WWOX: variants seen among roughly 807,000 people sequenced by gnomAD.
WWOX encodes WW domain-containing oxidoreductase.
Under a neutral mutation model 46.2 loss-of-function variants are expected in WWOX, and 69 were observed. The observed-to-expected ratio is 1.49, with a 90% CI of 1.23 to 1.82. The LOEUF (loss-of-function observed/expected upper bound fraction) is 1.82. WWOX is among the 40% of genes most tolerant of loss of function. WWOX has a pLI of 0.00. For missense variants in WWOX, 919 were observed against 542.6 expected, an observed-to-expected ratio of 1.69 and a Z score of -6.89; for synonymous variants, 359 against 202.6, an observed-to-expected ratio of 1.77 and a Z score of -6.56.
chr16:79,191,572 C>A (rs140937157), intron 8 of WWOX, among the ~76,000 whole-genome samples: 1 of 152,206 alleles, frequency 6.6e-6, no homozygotes, highest in African/African-American at 2.4e-5. Flanking sequence ...TGGGAGCTCA[C>A]GTTTTTCTCA....
chr16:78,664,072 A>G (rs540702068), intron 8 of WWOX, among the ~76,000 whole-genome samples: 16 of 152,246 alleles, frequency 1.1e-4, no homozygotes, highest in African/African-American at 3.6e-4. Context: ...CATGGTTGCC[A>G]TGAGGAGGAC....
chr16:78,361,021 T>C (rs530444578), intron 5 of WWOX, among the ~76,000 whole-genome samples: 69 of 152,228 alleles, frequency 4.5e-4, no homozygotes, highest in Middle Eastern at 3.4e-3. Flanking sequence ...CAGGGTTTCA[T>C]CATGTTGCAC....
At chr16:78,536,174 C>T (rs1207852765) in intron 8 of WWOX, among the ~76,000 whole-genome samples, 1 of 152,094 alleles carries the variant, frequency 6.6e-6, no homozygotes, top group African/African-American at 2.4e-5. Context: ...TAAACCACCC[C>T]CAGAGTACAC....
At chr16:78,750,383 A>G (rs531022878) in intron 8 of WWOX, among the ~76,000 whole-genome samples, 1 of 152,342 alleles carries the variant, frequency 6.6e-6, no homozygotes, top group South Asian at 2.1e-4. Flanking sequence ...AAGGATTTCC[A>G]TTAGGATCAG....
chr16:78,969,867 G>A (rs945394627), intron 8 of WWOX, among the ~76,000 whole-genome samples: 2 of 152,102 alleles, frequency 1.3e-5, no homozygotes, highest in Non-Finnish European at 2.9e-5. Context: ...AGGCATTTGG[G>A]ATTAACAGCT....
At chr16:78,462,642 G>A (rs775548302) in intron 8 of WWOX, among the ~76,000 whole-genome samples, 1 of 152,214 alleles carries the variant, frequency 6.6e-6, no homozygotes, top group Non-Finnish European at 1.5e-5. Context: ...GGAGGCAGGA[G>A]CAGATGAACT....
chr16:78,933,038 A>G (rs4888881), intron 8 of WWOX, among the ~76,000 whole-genome samples: 31,157 of 152,176 alleles, frequency 0.2, 4,093 homozygotes, highest in East Asian at 0.45. Context: ...AAGAGTTTCT[A>G]TGAGACAGAG....
chr16:78,543,747 A>G (rs1316452755), intron 8 of WWOX, among the ~76,000 whole-genome samples: 2 of 152,060 alleles, frequency 1.3e-5, no homozygotes, highest in Non-Finnish European at 2.9e-5. Context: ...CAAAACAGAA[A>G]CCTGTGAGAT....
At chr16:78,524,272 A>G (rs919091227) in intron 8 of WWOX, among the ~76,000 whole-genome samples, 3 of 152,232 alleles carry the variant, frequency 2.0e-5, no homozygotes, top group Admixed American at 6.5e-5. Flanking sequence ...AGACACAGCC[A>G]TGATGAGCAA....
chr16:78,556,919 A>G (rs1178871224), intron 8 of WWOX, among the ~76,000 whole-genome samples: 1 of 152,086 alleles, frequency 6.6e-6, no homozygotes, highest in Non-Finnish European at 1.5e-5. Context: ...AGGTTTTGCC[A>G]TATTGGTCAG....
intron 8 of WWOX, among the ~76,000 whole-genome samples, chr16:78,477,669 T>TATA (rs2151441706): frequency 6.6e-6 from 1 of 152,190 alleles, no homozygotes; most frequent in East Asian, 1.9e-4. Context: ...ATAAATCATA[T>TATA]TTTAGCCTAT....
chr16:78,445,295 A>G (rs2083534528), intron 8 of WWOX, among the ~76,000 whole-genome samples: 1 of 152,216 alleles, frequency 6.6e-6, no homozygotes, highest in Non-Finnish European at 1.5e-5. Context: ...GTTCTAGAAG[A>G]AGGGCGCTCA....
intron 8 of WWOX, among the ~76,000 whole-genome samples, chr16:78,998,275 C>T (rs137905867): frequency 6.6e-6 from 1 of 152,222 alleles, no homozygotes; most frequent in Admixed American, 6.5e-5. Context: ...CACATCAGTT[C>T]ATTCTCTCTG....
intron 5 of WWOX, among the ~76,000 whole-genome samples, chr16:78,382,537 G>C (rs549612917): frequency 1.7e-4 from 26 of 152,292 alleles, no homozygotes; most frequent in African/African-American, 6.0e-4. Flanking sequence ...GATTGATGCA[G>C]AGGATCTTGT....
At chr16:78,144,506 T>TATATATATACACACACACACACAC (rs2034126811) in intron 4 of WWOX, among the ~76,000 whole-genome samples, 1 of 31,420 alleles carries the variant, frequency 3.2e-5, no homozygotes, top group African/African-American at 1.4e-4. Context: ...CACACATATA[T>TATATATATACACACACACACACAC]ATATATATAT....
At chr16:78,718,834 G>C (rs964952706) in intron 8 of WWOX, among the ~76,000 whole-genome samples, 1 of 152,148 alleles carries the variant, frequency 6.6e-6, no homozygotes, top group African/African-American at 2.4e-5. Context: ...CTTTGGAGGA[G>C]ACATGAATAA....
chr16:78,687,958 A>G (rs995634420), intron 8 of WWOX, among the ~76,000 whole-genome samples: 15 of 152,210 alleles, frequency 9.9e-5, no homozygotes, highest in African/African-American at 3.6e-4. Flanking sequence ...AAGTGAGGTC[A>G]GATCTAGTGT....
At chr16:78,996,450 T>G (rs1362573956) in intron 8 of WWOX, 3 of 485,934 alleles carry the variant, frequency 6.2e-6, no homozygotes, top group Non-Finnish European at 7.8e-6. Context: ...ATATTCAAAG[T>G]GCTCAGCACT....
chr16:78,206,641 T>C (rs1294135274), intron 5 of WWOX, among the ~76,000 whole-genome samples: 1 of 152,178 alleles, frequency 6.6e-6, no homozygotes, highest in Non-Finnish European at 1.5e-5. Context: ...GGGTTCTTGG[T>C]GAATACTTTT....
Sources: allele counts gnomAD v4.1 joint callset (sites outside exome capture counted in the v4.1 genomes callset), GRCh38; gene constraint gnomAD v4.1.1; transcripts MANE v1.5; gene names NCBI Gene and HGNC (gene_info 2026-07-23, HGNC 2026-07-21).